The following PTN variants were observed in gnomAD, a reference collection of about 807,000 sequenced individuals.
PTN encodes pleiotrophin, also known as heparin affin regulatory protein.
In PTN, 18 loss-of-function variants were observed where a neutral mutation model predicts 24.1. The ratio of observed to expected loss-of-function variants is 0.75; its 90% CI spans 0.52 to 1.11. PTN has a LOEUF of 1.11. PTN is among the 50% of genes least tolerant of loss of function. The probability of loss-of-function intolerance (pLI) is 0.00; values close to 1 mark genes in which losing one functional copy is unlikely to be tolerated. For missense variants in PTN, 163 were observed against 198.8 expected (o/e 0.82, Z 1.08); for synonymous variants, 78 against 68.6 (o/e 1.14, Z -0.67).
chr7:137,284,053 G>A (rs1809516145), intron 1 of PTN, among the ~76,000 whole-genome samples: 2 of 129,470 alleles, frequency 1.5e-5, no homozygotes, highest in African/African-American at 3.0e-5. Flanking sequence ...TGCAAGCTCC[G>A]CCTCCCGGGT....
At chr7:137,282,660 T>C (rs1056390389) in intron 1 of PTN, among the ~76,000 whole-genome samples, 1 of 152,196 alleles carries the variant, frequency 6.6e-6, no homozygotes, top group Non-Finnish European at 1.5e-5. Flanking sequence ...TAAAAATGGG[T>C]ACACAACAAA....
At chr7:137,256,877 A>C (rs1199735473) in intron 1 of PTN, among the ~76,000 whole-genome samples, 1 of 152,218 alleles carries the variant, frequency 6.6e-6, no homozygotes, top group Non-Finnish European at 1.5e-5. Flanking sequence ...ACTTTTCAAA[A>C]GACATTTCTG....
At chr7:137,230,930 C>A (rs1217815528) in intron 4 of PTN, among the ~76,000 whole-genome samples, 14 of 151,774 alleles carry the variant, frequency 9.2e-5, no homozygotes, top group Admixed American at 9.2e-4. Context: ...TAGTCTCTGG[C>A]CTTCAAATTC....
chr7:137,319,433 T>C (rs964939531), intron 1 of PTN, among the ~76,000 whole-genome samples: 1 of 152,178 alleles, frequency 6.6e-6, no homozygotes, highest in Non-Finnish European at 1.5e-5. Flanking sequence ...GAGAGTTCTT[T>C]GGGGAGTCGT....
chr7:137,253,004 G>A (rs1414317588), intron 3 of PTN, among the ~76,000 whole-genome samples: 5 of 151,928 alleles, frequency 3.3e-5, no homozygotes, highest in Admixed American at 3.3e-4. Context: ...AGAAGCAGGA[G>A]AATAAATAAG....
chr7:137,340,690 A>G (rs965540134), intron 1 of PTN, among the ~76,000 whole-genome samples: 15 of 152,220 alleles, frequency 9.9e-5, no homozygotes, highest in Non-Finnish European at 2.2e-4. Flanking sequence ...CAGAGCTAAA[A>G]ACATTCCTCA....
At chr7:137,228,140 G>C in intron 4 of PTN, 65 bp from the exon 5 acceptor site, 1 of 1,043,796 alleles carries the variant, frequency 9.6e-7, no homozygotes, top group Non-Finnish European at 1.5e-6. Context: ...CTAAATTGCA[G>C]GGAAGAAATA....
At chr7:137,270,324 C>T (rs980625453) in intron 1 of PTN, among the ~76,000 whole-genome samples, 2 of 152,174 alleles carry the variant, frequency 1.3e-5, no homozygotes, top group Non-Finnish European at 2.9e-5. Flanking sequence ...ATAAAGTGAA[C>T]AAAACCACTT....
At chr7:137,308,074 T>C (rs1426000109) in intron 1 of PTN, among the ~76,000 whole-genome samples, 13 of 152,182 alleles carry the variant, frequency 8.5e-5, no homozygotes, top group Non-Finnish European at 1.2e-4. Context: ...GGCACACCTA[T>C]TTCCTTGCAA....
At chr7:137,278,306 C>CAAAAAAAAAAAAAAAAAAAAAAA (rs71176391) in intron 1 of PTN, among the ~76,000 whole-genome samples, 1 of 62,850 alleles carries the variant, frequency 1.6e-5, no homozygotes, top group Non-Finnish European at 2.7e-5. Flanking sequence ...GACTCCGTCT[C>CAAAAAAAAAAAAAAAAAAAAAAA]AAAAAAAAAA....
intron 4 of PTN, among the ~76,000 whole-genome samples, chr7:137,247,781 C>T (rs1790887693): frequency 6.6e-6 from 1 of 152,056 alleles, no homozygotes; most frequent in African/African-American, 2.4e-5. Context: ...ATATATACAC[C>T]TACCACATAT....
intron 1 of PTN, among the ~76,000 whole-genome samples, chr7:137,338,493 C>T (rs192811264): frequency 3.9e-5 from 6 of 152,306 alleles, no homozygotes; most frequent in Admixed American, 2.6e-4. Flanking sequence ...ACGTTGCGTA[C>T]CATTTAGCCT....
intron 1 of PTN, among the ~76,000 whole-genome samples, chr7:137,302,801 G>A (rs1809827291): frequency 6.6e-6 from 1 of 151,964 alleles, no homozygotes. Context: ...CATATAGGAT[G>A]TGCCATTTAA....
In PTN at chr7:137,317,301, G is replaced by T. The variant is rs181919015; in HGVS notation, c.-2+26138C>A. Among the ~76,000 whole-genome samples, 357 of 152,256 alleles carry T rather than the reference G, an allele frequency of 2.3e-3. 2 individuals carry two copies. The highest frequency in any genetic ancestry group is 7.6e-3 in the African/African-American group (317 of 41,552). On this transcript the variant is annotated intron_variant, in intron 1 of 4. Transcript: ENST00000348225. ...ACCCTCGGTGCAGAAATCAGAATAT[G>T]ATTTTTAGGTTTTTTTCCTATGTGG...
At chr7:137,243,777 T>C (rs1323090110) in intron 4 of PTN, among the ~76,000 whole-genome samples, 1 of 152,094 alleles carries the variant, frequency 6.6e-6, no homozygotes, top group East Asian at 1.9e-4. Flanking sequence ...TTTCGGAGGG[T>C]CACCTGTGGC....
At chr7:137,290,178 C>A (rs1473501911) in intron 1 of PTN, among the ~76,000 whole-genome samples, 1 of 152,138 alleles carries the variant, frequency 6.6e-6, no homozygotes, top group Non-Finnish European at 1.5e-5. Flanking sequence ...CAGGCTTATT[C>A]ACTATCATGA....
intron 1 of PTN, among the ~76,000 whole-genome samples, chr7:137,277,446 A>T (rs1238029473): frequency 6.6e-6 from 1 of 152,268 alleles, no homozygotes; most frequent in Admixed American, 6.5e-5. Flanking sequence ...GCACTAAGGC[A>T]TACACAAATG....
At chr7:137,271,773 A>C (rs909744186) in intron 1 of PTN, among the ~76,000 whole-genome samples, 1 of 152,238 alleles carries the variant, frequency 6.6e-6, no homozygotes, top group Admixed American at 6.5e-5. Context: ...TTTTAGACCA[A>C]GTCAGAGCTG....
chr7:137,330,798 T>A (rs1478983950), intron 1 of PTN, among the ~76,000 whole-genome samples: 1 of 152,068 alleles, frequency 6.6e-6, no homozygotes. Context: ...GCTGGAGTGA[T>A]TTCATGGGAC....
Sources: allele counts gnomAD v4.1 joint callset (sites outside exome capture counted in the v4.1 genomes callset), GRCh38; gene constraint gnomAD v4.1.1; transcripts MANE v1.5; gene names NCBI Gene and HGNC (gene_info 2026-07-23, HGNC 2026-07-21).